Variants in MEF2A observed in about 807,000 individuals in gnomAD.
The protein encoded by MEF2A is myocyte-specific enhancer factor 2A.
MEF2A carries 28 observed loss-of-function variants against 55.8 expected under a neutral mutation model. The observed-to-expected ratio is 0.50, with a 90% confidence interval of 0.37 to 0.69. The LOEUF is 0.69. Among genes scored for constraint, MEF2A ranks in the 30% least tolerant of loss-of-function variants. MEF2A has a pLI of 0.00. For missense variants in MEF2A, 528 were observed against 626.2 expected (o/e 0.84, Z 1.67); for synonymous variants, 239 against 227.1 (o/e 1.05, Z -0.47).
intron 2 of MEF2A, among the ~76,000 whole-genome samples, chr15:99,608,390 C>G (rs925027576): frequency 6.6e-6 from 1 of 152,136 alleles, no homozygotes; most frequent in Non-Finnish European, 1.5e-5. Context: ...TTTCAACATT[C>G]AGCTTTGAAT....
At chr15:99,580,041 C>T (rs1215191790) in intron 1 of MEF2A, among the ~76,000 whole-genome samples, 2 of 152,106 alleles carry the variant, frequency 1.3e-5, no homozygotes, top group South Asian at 2.1e-4. Flanking sequence ...GTTCTAATCT[C>T]TCCAGACACT....
intron 3 of MEF2A, among the ~76,000 whole-genome samples, chr15:99,638,031 A>ACATCTTT (rs2044200967): frequency 6.6e-6 from 1 of 152,130 alleles, no homozygotes; most frequent in Non-Finnish European, 1.5e-5. Flanking sequence ...ATGATGTTGA[A>ACATCTTT]CATCTTTTCA....
At chr15:99,694,451 C>G (rs1453432012) in intron 8 of MEF2A, among the ~76,000 whole-genome samples, 4 of 152,182 alleles carry the variant, frequency 2.6e-5, no homozygotes, top group Admixed American at 6.5e-5. Flanking sequence ...ATCCAAAAAT[C>G]TGAAATCCAA....
intron 3 of MEF2A, among the ~76,000 whole-genome samples, chr15:99,644,592 G>A (rs762471576): frequency 2.3e-4 from 35 of 152,200 alleles, no homozygotes; most frequent in African/African-American, 3.9e-4. Context: ...GAAGAAAATC[G>A]TATGATAGGT....
intron 3 of MEF2A, among the ~76,000 whole-genome samples, chr15:99,638,340 T>A (rs751363918): frequency 4.4e-4 from 67 of 152,166 alleles, no homozygotes; most frequent in Non-Finnish European, 8.7e-4. Flanking sequence ...TAATATACAT[T>A]TTTACTGTGA....
rs1445978801 is a variant in MEF2A at position 99,621,816 on chromosome 15, T to G, written c.-142-11162T>G. Among the ~76,000 whole-genome samples the G allele has an allele frequency of 6.6e-5, 10 of 152,352 alleles. No homozygotes were observed. The East Asian group carries it at 1.9e-3, about 29-fold the overall frequency. On this transcript the variant is annotated intron_variant, in intron 2 of 11. Coordinates refer to ENST00000557942, the MANE Select transcript of MEF2A (RefSeq NM_001319206.4). ...TTATTTCTTAAAGGAGTTCAGTTGTTGATTGTACATAATCATTTTTATTCC... is the reference window on the plus strand; with the variant it reads ...TTATTTCTTAAAGGAGTTCAGTTGTGGATTGTACATAATCATTTTTATTCC...
chr15:99,608,044 T>C (rs1159943924), intron 2 of MEF2A, among the ~76,000 whole-genome samples: 1 of 152,226 alleles, frequency 6.6e-6, no homozygotes. Flanking sequence ...TTGATACATT[T>C]GATATTTTAT....
chr15:99,676,316 G>T (rs1269070910), intron 7 of MEF2A, among the ~76,000 whole-genome samples: 1 of 151,916 alleles, frequency 6.6e-6, no homozygotes, highest in Non-Finnish European at 1.5e-5. Context: ...ACTCTTGTAT[G>T]TGTATTTCCA....
At chr15:99,708,387 A>G (rs765801827) in intron 10 of MEF2A, among the ~76,000 whole-genome samples, 4 of 152,228 alleles carry the variant, frequency 2.6e-5, no homozygotes, top group Non-Finnish European at 4.4e-5. Context: ...GTTTTTCAGT[A>G]TACTTAGAAA....
At chr15:99,685,172 G>C (rs111965863) in intron 7 of MEF2A, among the ~76,000 whole-genome samples, 2 of 152,154 alleles carry the variant, frequency 1.3e-5, no homozygotes, top group African/African-American at 4.8e-5. Context: ...CTTTGGCTAT[G>C]CAGGCTCTTT....
Position 99,675,390 on chromosome 15 carries a change from CGTT to C in MEF2A, c.611-5_611-3del. ...TCTGCCCTCTGTCTTCTCTCCGTAA[CGTT>C]GTTAGGTGGGATGTTGAGCACTACA... On this transcript the variant is annotated splice_polypyrimidine_tract_variant and splice_region_variant and intron_variant, in intron 6 of 11. Transcript: ENST00000557942. 2 of 1,613,254 alleles carry C rather than the reference CGTT, an allele frequency of 1.2e-6. No individual in the cohort carries two copies. The highest frequency in any genetic ancestry group is 2.2e-5 in the South Asian group (2 of 91,062).
chr15:99,633,439 A>G (rs957033650), intron 3 of MEF2A, among the ~76,000 whole-genome samples: 3 of 152,156 alleles, frequency 2.0e-5, no homozygotes, highest in Non-Finnish European at 4.4e-5. Context: ...AATCCATTGT[A>G]TAGATTTCTC....
At chr15:99,680,136 C>A (rs998306917) in intron 7 of MEF2A, among the ~76,000 whole-genome samples, 19 of 152,314 alleles carry the variant, frequency 1.2e-4, no homozygotes, top group Admixed American at 5.2e-4. Context: ...GACCACTCTT[C>A]CCCTAGTCTT....
chr15:99,570,899 TC>T (rs1961947891), intron 1 of MEF2A, among the ~76,000 whole-genome samples: 1 of 151,904 alleles, frequency 6.6e-6, no homozygotes. Flanking sequence ...AAATCAGACT[TC>T]CTGGCTGGGC....
intron 3 of MEF2A, among the ~76,000 whole-genome samples, chr15:99,641,806 C>G (rs1206703027): frequency 6.6e-6 from 1 of 152,200 alleles, no homozygotes; most frequent in Non-Finnish European, 1.5e-5. Context: ...CGTACATTTT[C>G]CAGCATACCC....
chr15:99,608,956 G>A (rs1277348997), intron 2 of MEF2A, among the ~76,000 whole-genome samples: 2 of 152,030 alleles, frequency 1.3e-5, no homozygotes, highest in Admixed American at 6.6e-5. Flanking sequence ...AAAGGTACCA[G>A]TATTCAGTAT....
chr15:99,678,868 CAAT>C (rs2052647528), intron 7 of MEF2A: 1 of 169,960 alleles, frequency 5.9e-6, no homozygotes, highest in Non-Finnish European at 1.2e-5. Context: ...TGTATACAAT[CAAT>C]AGAGAGGTTT....
intron 8 of MEF2A, among the ~76,000 whole-genome samples, chr15:99,695,438 GAGAAA>G (rs1487559964): frequency 6.6e-6 from 1 of 152,120 alleles, no homozygotes; most frequent in Non-Finnish European, 1.5e-5. Flanking sequence ...CAAGAAATGG[GAGAAA>G]AGAAGACAAA....
At chr15:99,655,747 ACAT>A (rs2047604947) in intron 4 of MEF2A, among the ~76,000 whole-genome samples, 2 of 152,266 alleles carry the variant, frequency 1.3e-5, no homozygotes, top group East Asian at 1.9e-4. Flanking sequence ...ATATATTGAC[ACAT>A]CATGCTGTTT....
Sources: gnomAD v4.1 joint callset for allele counts (sites outside exome capture counted in the v4.1 genomes callset) on GRCh38, gnomAD v4.1.1 for gene constraint, MANE v1.5 for transcripts, NCBI Gene and HGNC (gene_info 2026-07-23, HGNC 2026-07-21) for gene names.